Variants in KCTD16 observed in about 807,000 individuals in gnomAD.
The protein encoded by KCTD16 is potassium channel tetramerization domain containing 16, also known as BTB/POZ domain-containing protein KCTD16.
KCTD16 carries 13 observed loss-of-function variants against 33.2 expected under a neutral mutation model. That is an observed-to-expected ratio of 0.39 (90% CI 0.25 to 0.62). The LOEUF (loss-of-function observed/expected upper bound fraction) is 0.62. KCTD16 is among the 20% of genes least tolerant of loss of function. KCTD16 has a pLI of 0.50. For synonymous variants in KCTD16, 197 were observed against 195.3 expected (o/e 1.01, Z -0.07); for missense variants, 441 against 525.1 (o/e 0.84, Z 1.57).
Position 144,479,190 on chromosome 5 carries a change from A to T in KCTD16, c.*5076A>T, listed in dbSNP as rs1314244367. On this transcript the variant is annotated 3_prime_UTR_variant, in exon 4 of 4. Transcript: ENST00000512467. ...TGCACATAAAATATAACCAAAATGAATATGGAATGATTAGTGAATTCAGCT... is the reference window on the plus strand; with the variant it reads ...TGCACATAAAATATAACCAAAATGATTATGGAATGATTAGTGAATTCAGCT... The T allele has an allele frequency of 6.6e-6, 1 of 151,848 alleles. No homozygotes were observed. The highest frequency in any genetic ancestry group is 1.5e-5 in the Non-Finnish European group (1 of 67,870). The allele number at this position is 151,848 out of a possible 1,614,324, so 9.4% of individuals were successfully genotyped here.
At chr5:144,213,753 A>T (rs1753474887) in intron 3 of KCTD16, among the ~76,000 whole-genome samples, 1 of 152,218 alleles carries the variant, frequency 6.6e-6, no homozygotes, top group South Asian at 2.1e-4. Context: ...CATATTTATC[A>T]TCTGAATCAA....
intron 3 of KCTD16, among the ~76,000 whole-genome samples, chr5:144,458,211 C>T (rs1262952505): frequency 6.6e-6 from 1 of 152,200 alleles, no homozygotes; most frequent in Non-Finnish European, 1.5e-5. Context: ...TAGGCAGGTA[C>T]TGCTATTGCC....
At position 144,206,664 on chromosome 5, in the gene KCTD16, C is replaced by G. The variant is rs758471676; in HGVS notation, c.-51C>G. 11 of 1,464,312 alleles carry G rather than the reference C, an allele frequency of 7.5e-6. No individual in the cohort carries two copies. The highest frequency in any genetic ancestry group is 1.8e-5 in the Admixed American group (1 of 55,022). The allele number at this position is 1,464,312 out of a possible 1,614,324, so 90.7% of individuals were successfully genotyped here. ...TGATCCAAAGGATAAGGCTGTGACTCCATTGGATTGCACCTTTAAATCAAA... is the reference window on the plus strand; with the variant it reads ...TGATCCAAAGGATAAGGCTGTGACTGCATTGGATTGCACCTTTAAATCAAA... On this transcript the variant is annotated 5_prime_UTR_variant, in exon 3 of 4. Transcript: ENST00000512467.
Position 144,206,969 on chromosome 5 carries a change from T to C in KCTD16, c.255T>C (p.Ile85=). 1 of 1,614,170 alleles carries C rather than the reference T, an allele frequency of 6.2e-7. No individual in the cohort carries two copies. Among genetic ancestry groups the C allele is most frequent in the Non-Finnish European group, 8.5e-7 (1 of 1,180,018 alleles). The change falls in exon 3 of 4, where the codon ATT becomes ATC. Residue 85 remains isoleucine (I), a synonymous_variant. Coordinates refer to ENST00000512467, the MANE Select transcript of KCTD16 (RefSeq NM_020768.4). ...GAGATGGATTCTTGTTCCGTTATATTCTGGACTATCTCAGGGACAGGCAGG... is the reference window on the plus strand; with the variant it reads ...GAGATGGATTCTTGTTCCGTTATATCCTGGACTATCTCAGGGACAGGCAGG... ...IDRDGFLFRY[I]LDYLRDRQVV... is the part of the protein sequence containing the mutation.
At chr5:144,213,315 C>T (rs891229291) in intron 3 of KCTD16, among the ~76,000 whole-genome samples, 3 of 151,998 alleles carry the variant, frequency 2.0e-5, no homozygotes, top group Admixed American at 6.6e-5. Context: ...TTTAATTCCT[C>T]CCTTTCTTTC....
chr5:144,199,861 C>T (rs971117156), intron 2 of KCTD16, among the ~76,000 whole-genome samples: 3 of 151,756 alleles, frequency 2.0e-5, no homozygotes, highest in South Asian at 2.1e-4. Flanking sequence ...ACTACAAGTG[C>T]GTACCATCAC....
chr5:144,409,620 A>G (rs1343138354), intron 3 of KCTD16, among the ~76,000 whole-genome samples: 3 of 152,050 alleles, frequency 2.0e-5, no homozygotes, highest in Non-Finnish European at 2.9e-5. Context: ...GCACTTTGGG[A>G]GGCCGAGGTG....
At chr5:144,284,705 C>T (rs1342783003) in intron 3 of KCTD16, among the ~76,000 whole-genome samples, 1 of 151,974 alleles carries the variant, frequency 6.6e-6, no homozygotes, top group Non-Finnish European at 1.5e-5. Flanking sequence ...GACTGCTTTT[C>T]AAGATGAAAA....
intron 3 of KCTD16, among the ~76,000 whole-genome samples, chr5:144,394,384 T>C (rs1752518431): frequency 2.0e-5 from 3 of 152,202 alleles, no homozygotes; most frequent in African/African-American, 7.2e-5. Flanking sequence ...TCCAGGTTTC[T>C]TGAGAAAAGT....
At chr5:144,312,167 A>G (rs1481460587) in intron 3 of KCTD16, among the ~76,000 whole-genome samples, 2 of 152,196 alleles carry the variant, frequency 1.3e-5, no homozygotes, top group Non-Finnish European at 2.9e-5. Flanking sequence ...AATCAAAGAA[A>G]TAGGAAATAC....
At chr5:144,256,156 T>G (rs988615725) in intron 3 of KCTD16, among the ~76,000 whole-genome samples, 2 of 152,206 alleles carry the variant, frequency 1.3e-5, no homozygotes, top group African/African-American at 4.8e-5. Context: ...CATACCTTCT[T>G]TCTTAAACTA....
chr5:144,175,971 G>A (rs1418862397), intron 2 of KCTD16, among the ~76,000 whole-genome samples: 1 of 152,140 alleles, frequency 6.6e-6, no homozygotes, highest in Non-Finnish European at 1.5e-5. Context: ...TTCCCCTGCA[G>A]ATTCTGTATT....
chr5:144,182,002 T>C (rs1752635100), intron 2 of KCTD16, among the ~76,000 whole-genome samples: 1 of 151,600 alleles, frequency 6.6e-6, no homozygotes, highest in South Asian at 2.1e-4. Flanking sequence ...GCTGAGTAGC[T>C]TGAACCTGGG....
chr5:144,331,587 G>C (rs1752359810), intron 3 of KCTD16, among the ~76,000 whole-genome samples: 1 of 152,116 alleles, frequency 6.6e-6, no homozygotes, highest in African/African-American at 2.4e-5. Flanking sequence ...GTTATGGATG[G>C]GGAATGGGAG....
At chr5:144,385,775 T>C (rs536348242) in intron 3 of KCTD16, among the ~76,000 whole-genome samples, 1 of 152,316 alleles carries the variant, frequency 6.6e-6, no homozygotes, top group Admixed American at 6.5e-5. Context: ...GTTGGTCCCA[T>C]TCAAATCATT....
intron 3 of KCTD16, among the ~76,000 whole-genome samples, chr5:144,358,997 C>A (rs186957113): frequency 1.3e-5 from 2 of 152,274 alleles, no homozygotes. Context: ...AATCTGCAGA[C>A]CCACATTTGG....
Position 144,352,568 on chromosome 5 carries a change from C to T in KCTD16, c.833-121092C>T, listed in dbSNP as rs192750038. On this transcript the variant is annotated intron_variant, in intron 3 of 3. Transcript: ENST00000512467. ...CTTTGTTCTCTGGTTTCCGTGGTTG[C>T]AGAATCTAGCAAATTGAACACAGTT... is the stretch of plus-strand genomic sequence containing the variant. Among the ~76,000 whole-genome samples, 234 of 152,256 alleles carry T rather than the reference C, an allele frequency of 1.5e-3. 1 individual carries two copies. Among genetic ancestry groups the T allele is most frequent in the African/African-American group, 5.4e-3 (225 of 41,548 alleles).
rs1754737973 is a variant in KCTD16, at chr5:144,483,136, TC to T, written c.*9024del. The stretch of plus-strand genomic sequence containing the variant: ...ACTACATGTTTTCACACTTCTTCAT[TC>T]CAAAAAAAAAAAAAAAACCAAACCA... On this transcript the variant is annotated 3_prime_UTR_variant, in exon 4 of 4. Transcript: ENST00000512467. The T allele has an allele frequency of 8.0e-6, 1 of 125,522 alleles. No homozygotes were observed. The highest frequency in any genetic ancestry group is 1.6e-5 in the Non-Finnish European group (1 of 61,724). 7.8% of individuals were successfully genotyped at this position (125,522 alleles called of 1,614,324 possible).
intron 3 of KCTD16, among the ~76,000 whole-genome samples, chr5:144,252,891 C>CT (rs796121886): frequency 0.024 from 3,347 of 138,210 alleles, 141 homozygotes; most frequent in African/African-American, 0.081. Context: ...CTCATCTTGC[C>CT]TTTTTTTTTT....
Sources: gnomAD v4.1 joint callset for allele counts (sites outside exome capture counted in the v4.1 genomes callset) on GRCh38, gnomAD v4.1.1 for gene constraint, MANE v1.5 for transcripts, NCBI Gene and HGNC (gene_info 2026-07-23, HGNC 2026-07-21) for gene names.